Variants in PPM1B observed in about 807,000 individuals in gnomAD.
The protein encoded by PPM1B is protein phosphatase, Mg2+/Mn2+ dependent 1B.
PPM1B carries 22 observed loss-of-function variants against 43.0 expected under a neutral mutation model. That is an observed-to-expected ratio of 0.51 (90% CI 0.37 to 0.73). The LOEUF (loss-of-function observed/expected upper bound fraction) is 0.73, where lower values mean the gene tolerates loss of function less well. Ranked by LOEUF, PPM1B falls within the 30% of genes least tolerant of loss-of-function variation. The pLI, the probability that PPM1B is intolerant of heterozygous loss-of-function variation, is 0.00. For missense variants in PPM1B, 632 were observed against 584.2 expected (o/e 1.08, Z -0.84); for synonymous variants, 217 against 197.9 (o/e 1.10, Z -0.81).
At chr2:44,199,318 TAAAAATAAAAA>T (rs1668817481) in intron 1 of PPM1B, among the ~76,000 whole-genome samples, 1 of 69,140 alleles carries the variant, frequency 1.4e-5, no homozygotes, top group Non-Finnish European at 3.0e-5. Context: ...AAAAAAAAAA[TAAAAATAAAAA>T]AAAAAAAAAT....
chr2:44,170,127 C>T (rs888354775), intron 1 of PPM1B, among the ~76,000 whole-genome samples: 14 of 152,142 alleles, frequency 9.2e-5, no homozygotes, highest in African/African-American at 3.1e-4. Flanking sequence ...TGCATGACCT[C>T]TCATATCAGA....
rs1322691573 is a variant in PPM1B, at chr2:44,171,216, G to A, written c.-15+1942G>A. Among the ~76,000 whole-genome samples, 3 of 152,114 alleles carry A rather than the reference G, an allele frequency of 2.0e-5. No homozygotes were observed. In the East Asian group the frequency reaches 5.8e-4, roughly 29 times the overall value. On this transcript the variant is annotated intron_variant, in intron 1 of 5. Coordinates refer to ENST00000282412, the MANE Select transcript of PPM1B (RefSeq NM_002706.6). ...GTGTCTGATTTCTGTGAAGACTCTAGGAATAGGTGAAAGGCCTTTCAATTT... is the reference window on the plus strand; with the variant it reads ...GTGTCTGATTTCTGTGAAGACTCTAAGAATAGGTGAAAGGCCTTTCAATTT...
chr2:44,235,854 C>A (rs530603549), downstream of PPM1B, among the ~76,000 whole-genome samples: 1 of 151,682 alleles, frequency 6.6e-6, no homozygotes, highest in South Asian at 2.1e-4. Context: ...AGCTATGATC[C>A]AGCCACTGCA....
intron 5 of PPM1B, among the ~76,000 whole-genome samples, chr2:44,242,769 C>T (rs753340277): frequency 5.5e-5 from 7 of 127,262 alleles, no homozygotes; most frequent in African/African-American, 2.6e-4. Flanking sequence ...TAATTGGCAG[C>T]ATTTTTTCTT....
At chr2:44,207,383 A>G (rs1255370714) in intron 2 of PPM1B, among the ~76,000 whole-genome samples, 2 of 152,178 alleles carry the variant, frequency 1.3e-5, no homozygotes, top group African/African-American at 2.4e-5. Flanking sequence ...AAAATAGCCT[A>G]CCACCTCCAC....
chr2:44,210,208 G>C lies in PPM1B; in HGVS notation c.964+881G>C, dbSNP rs936760881. ...TACATATTTTTTTAAACTTCATTTG[G>C]CAATAAATTTTTTTTTTTTTTTTTT... On this transcript the variant is annotated intron_variant, in intron 3 of 5. Transcript: ENST00000282412. Among the ~76,000 whole-genome samples the C allele has an allele frequency of 2.7e-5, 4 of 148,616 alleles. No homozygotes were observed. The East Asian group carries it at 7.8e-4, about 29-fold the overall frequency.
In PPM1B at chr2:44,180,079, G is replaced by T. The variant is rs149084150; in HGVS notation, c.-15+10805G>T. ...AAATATTCCCCAAAATGTGTATTTG[G>T]ATTGAAATGAATGCTTGGAAGGACA... is the stretch of plus-strand genomic sequence containing the variant. On this transcript the variant is annotated intron_variant, in intron 1 of 5. Transcript: ENST00000282412. 7.9e-3 allele frequency among the ~76,000 whole-genome samples: 1,199 copies of T among 151,540 alleles called. 9 individuals are homozygous for T. The highest frequency in any genetic ancestry group is 0.013 in the Non-Finnish European group (890 of 67,944).
chr2:44,184,668 T>C (rs1668039730), intron 1 of PPM1B, among the ~76,000 whole-genome samples: 1 of 152,116 alleles, frequency 6.6e-6, no homozygotes, highest in African/African-American at 2.4e-5. Flanking sequence ...TGATAGATTA[T>C]GCCTCCCTTC....
At chr2:44,211,553 A>G (rs1475235784) in intron 3 of PPM1B, among the ~76,000 whole-genome samples, 1 of 150,874 alleles carries the variant, frequency 6.6e-6, no homozygotes, top group Non-Finnish European at 1.5e-5. Flanking sequence ...AGGTTACTTA[A>G]TTAATAATTA....
In PPM1B at chr2:44,199,314, AAAATAAAAAT is replaced by A. The variant is rs1558406258; in HGVS notation, c.-14-1868_-14-1859del. Among the ~76,000 whole-genome samples, 44 of 98,360 alleles carry A rather than the reference AAAATAAAAAT, an allele frequency of 4.5e-4. 4 individuals are homozygous for A. Among genetic ancestry groups the A allele is most frequent in the South Asian group, 7.2e-4 (2 of 2,794 alleles). The allele number at this position is 98,360 out of a possible 152,430, so 64.5% of individuals were successfully genotyped here. A position where few individuals can be genotyped will look rare whatever the true frequency, so the allele number is the denominator to read the frequency against. ...GTGCCTGTAGATCTCAAAAAAAAAAAAAATAAAAATAAAAAAAAAAAAAATTGAGCCAGGT... is the reference window on the plus strand; with the variant it reads ...GTGCCTGTAGATCTCAAAAAAAAAAAAAAAAAAAAAAAAATTGAGCCAGGT... On this transcript the variant is annotated intron_variant, in intron 1 of 5. Transcript: ENST00000282412.
downstream of PPM1B, among the ~76,000 whole-genome samples, chr2:44,237,690 A>T (rs1251076628): frequency 6.6e-5 from 10 of 152,130 alleles, no homozygotes; most frequent in Non-Finnish European, 4.4e-5. Flanking sequence ...TTAATGATTA[A>T]ATCTGTGCAA....
chr2:44,231,139 T>C lies in PPM1B; in HGVS notation c.*421T>C, dbSNP rs1377957150. On this transcript the variant is annotated 3_prime_UTR_variant, in exon 6 of 6. Coordinates refer to ENST00000282412, the MANE Select transcript of PPM1B (RefSeq NM_002706.6). ...AGCTTTGTAATAAATTTATGTTTTC[T>C]TTAATAATTTTAGTTCTTCAAAGAA... The C allele has an allele frequency of 1.1e-6, 1 of 950,068 alleles. No homozygotes were observed. Among genetic ancestry groups the C allele is most frequent in the Non-Finnish European group, 1.3e-6 (1 of 797,926 alleles). 58.9% of individuals were successfully genotyped at this position (950,068 alleles called of 1,614,324 possible).
exon 6 of PPM1B, chr2:44,244,254 TA>T: frequency 7.4e-7 from 1 of 1,353,550 alleles, no homozygotes; most frequent in South Asian, 1.2e-5. Flanking sequence ...CGTCCATCTG[TA>T]AACCTGCTGA....
intron 5 of PPM1B, among the ~76,000 whole-genome samples, chr2:44,241,233 C>T (rs1670738627): frequency 7.0e-6 from 1 of 141,924 alleles, no homozygotes; most frequent in Admixed American, 7.0e-5. Flanking sequence ...GAACTCCCGA[C>T]CTCAGGTGAT....
chr2:44,244,597 A>G (rs1266625540), downstream of PPM1B, among the ~76,000 whole-genome samples: 3 of 152,020 alleles, frequency 2.0e-5, no homozygotes, highest in Non-Finnish European at 4.4e-5. Context: ...AGCACCATTT[A>G]AATCGGAAGT....
At chr2:44,182,313 G>A (rs958092191) in intron 1 of PPM1B, among the ~76,000 whole-genome samples, 5 of 152,120 alleles carry the variant, frequency 3.3e-5, no homozygotes, top group Admixed American at 2.0e-4. Flanking sequence ...AGGCTGGAGT[G>A]CAATGACATG....
intron 1 of PPM1B, among the ~76,000 whole-genome samples, chr2:44,178,295 A>G (rs1240198498): frequency 6.6e-6 from 1 of 151,804 alleles, no homozygotes; most frequent in East Asian, 1.9e-4. Flanking sequence ...GTCTAAAACC[A>G]TTTACATGCC....
intron 1 of PPM1B, among the ~76,000 whole-genome samples, chr2:44,177,813 T>C (rs1667657510): frequency 6.6e-6 from 1 of 152,016 alleles, no homozygotes; most frequent in South Asian, 2.1e-4. Context: ...CAATTTGTTC[T>C]TGTCACTTAA....
chr2:44,245,892 T>G (rs964944164), downstream of PPM1B, among the ~76,000 whole-genome samples: 1 of 152,220 alleles, frequency 6.6e-6, no homozygotes, highest in Non-Finnish European at 1.5e-5. Flanking sequence ...CTCCATTCCT[T>G]TGGAGCTGGT....
Sources: allele counts gnomAD v4.1 joint callset (sites outside exome capture counted in the v4.1 genomes callset), GRCh38; gene constraint gnomAD v4.1.1; transcripts MANE v1.5; gene names NCBI Gene and HGNC (gene_info 2026-07-23, HGNC 2026-07-21).